Variants in TMEM132C observed in about 807,000 individuals in gnomAD.
The protein encoded by TMEM132C is protein phosphatase 1, regulatory subunit 152.
Under a neutral mutation model 61.4 loss-of-function variants are expected in TMEM132C, and 29 were observed. The observed-to-expected ratio is 0.47, with a 90% confidence interval of 0.35 to 0.64. TMEM132C has a LOEUF of 0.64. TMEM132C is among the 30% of genes least tolerant of loss of function. The probability of loss-of-function intolerance (pLI) is 0.00; values close to 1 mark genes in which losing one functional copy is unlikely to be tolerated. For missense variants in TMEM132C, 1,408 were observed against 1,476.9 expected (o/e 0.95, Z 0.76); for synonymous variants, 656 against 633.1 (o/e 1.04, Z -0.54).
At chr12:128,309,925 G>A (rs1315947593) in intron 1 of TMEM132C, among the ~76,000 whole-genome samples, 7 of 151,938 alleles carry the variant, frequency 4.6e-5, no homozygotes, top group African/African-American at 1.7e-4. Flanking sequence ...TAGTAGAGAC[G>A]GGGTTTCACC....
At chr12:128,589,667 TAGA>T (rs1875683746) in intron 3 of TMEM132C, among the ~76,000 whole-genome samples, 2 of 152,314 alleles carry the variant, frequency 1.3e-5, no homozygotes, top group South Asian at 4.1e-4. Context: ...ACAGAGGCAG[TAGA>T]AGTTTTGCTC....
chr12:128,319,874 C>T (rs1872274086), intron 1 of TMEM132C, among the ~76,000 whole-genome samples: 1 of 151,852 alleles, frequency 6.6e-6, no homozygotes, highest in African/African-American at 2.4e-5. Context: ...CTGACCTTCC[C>T]ATCTTGCATC....
chr12:128,686,040 C>A (rs545836111), intron 5 of TMEM132C, among the ~76,000 whole-genome samples: 2 of 130,796 alleles, frequency 1.5e-5, no homozygotes, highest in Non-Finnish European at 3.4e-5. Flanking sequence ...TGTGTGTATT[C>A]GCGCGTGTGT....
At chr12:128,445,498 T>C (rs955310886) in intron 2 of TMEM132C, among the ~76,000 whole-genome samples, 5 of 152,158 alleles carry the variant, frequency 3.3e-5, no homozygotes, top group African/African-American at 1.2e-4. Flanking sequence ...GGAGGTGCTA[T>C]ATCTTGGTCC....
At chr12:128,507,402 C>CTTTTTTTTTTTTTTTTT (rs111625089) in intron 2 of TMEM132C, among the ~76,000 whole-genome samples, 2 of 113,402 alleles carry the variant, frequency 1.8e-5, no homozygotes, top group African/African-American at 3.3e-5. Context: ...TTTTTTCTTT[C>CTTTTTTTTTTTTTTTTT]TTTTTTTTTT....
chr12:128,486,785 G>A (rs912053171), intron 2 of TMEM132C, among the ~76,000 whole-genome samples: 6 of 151,958 alleles, frequency 3.9e-5, no homozygotes, highest in East Asian at 1.9e-4. Flanking sequence ...CACCTGAACC[G>A]AATCTTGGCA....
intron 4 of TMEM132C, among the ~76,000 whole-genome samples, chr12:128,625,781 C>G (rs1954009652): frequency 6.6e-6 from 1 of 152,194 alleles, no homozygotes; most frequent in Non-Finnish European, 1.5e-5. Context: ...ATATCAGACA[C>G]TGATCCCATT....
rs188789793 is a variant in TMEM132C at position 128,366,864 on chromosome 12, A to T, written c.86-47868A>T. Among the ~76,000 whole-genome samples the T allele has an allele frequency of 2.0e-5, 3 of 152,300 alleles. No homozygotes were observed. In the East Asian group the frequency reaches 5.8e-4, roughly 29 times the overall value. On this transcript the variant is annotated intron_variant, in intron 1 of 8. Coordinates refer to ENST00000435159, the MANE Select transcript of TMEM132C (RefSeq NM_001136103.3). ...TCCTGAGTCGGAAAGACAGGGTCCT[A>T]CATGACATTCCTGTGGACAGAGGCC... is the stretch of plus-strand genomic sequence containing the variant.
rs543433383 is a variant in TMEM132C at position 128,466,177 on chromosome 12, CA to C, written c.974+50558del. On this transcript the variant is annotated intron_variant, in intron 2 of 8. Transcript: ENST00000435159. ...GCTGCTGCGATGGAGAACTAGCCAGCATGTGTGAAGGGGAGAGCACAGGAAA... is the reference window on the plus strand; with the variant it reads ...GCTGCTGCGATGGAGAACTAGCCAGCTGTGTGAAGGGGAGAGCACAGGAAA... 2.2e-4 allele frequency among the ~76,000 whole-genome samples: 34 copies of C among 152,206 alleles called. No individual in the cohort carries two copies. The South Asian group carries it at 7.1e-3, about 32-fold the overall frequency.
At chr12:128,284,982 T>C (rs2135902495) in intron 1 of TMEM132C, among the ~76,000 whole-genome samples, 1 of 151,964 alleles carries the variant, frequency 6.6e-6, no homozygotes, top group Non-Finnish European at 1.5e-5. Context: ...CCCCAAAAAA[T>C]AAACACAAAA....
At chr12:128,491,709 C>T (rs959093852) in intron 2 of TMEM132C, among the ~76,000 whole-genome samples, 4 of 152,040 alleles carry the variant, frequency 2.6e-5, no homozygotes, top group South Asian at 2.1e-4. Context: ...CTTTGGCTAC[C>T]GCTCCTTGGT....
At chr12:128,452,252 C>T (rs140901044) in intron 2 of TMEM132C, among the ~76,000 whole-genome samples, 2,883 of 151,924 alleles carry the variant, frequency 0.019, 91 homozygotes, top group African/African-American at 0.063. Flanking sequence ...CATGCGCCAC[C>T]ACACCCAGCT....
At chr12:128,521,442 C>T (rs1179368895) in intron 2 of TMEM132C, among the ~76,000 whole-genome samples, 1 of 137,334 alleles carries the variant, frequency 7.3e-6, no homozygotes, top group African/African-American at 2.6e-5. Context: ...TGCTATCCCT[C>T]CCCCAGCCCC....
chr12:128,365,877 G>A (rs1044361529), intron 1 of TMEM132C, among the ~76,000 whole-genome samples: 22 of 152,160 alleles, frequency 1.4e-4, no homozygotes, highest in Admixed American at 6.5e-5. Context: ...GTGTGCCGAG[G>A]AGCCCTCCCC....
At chr12:128,437,418 A>G (rs768964860) in intron 2 of TMEM132C, among the ~76,000 whole-genome samples, 1 of 152,208 alleles carries the variant, frequency 6.6e-6, no homozygotes, top group Non-Finnish European at 1.5e-5. Flanking sequence ...TCTTCCCATC[A>G]TGCTCCACTG....
chr12:128,479,273 C>T (rs1871248965), intron 2 of TMEM132C, among the ~76,000 whole-genome samples: 1 of 152,090 alleles, frequency 6.6e-6, no homozygotes, highest in Non-Finnish European at 1.5e-5. Flanking sequence ...GGCTCGATAC[C>T]TGGGTGATGA....
chr12:128,531,831 G>GT (rs1873318982), intron 2 of TMEM132C, among the ~76,000 whole-genome samples: 1 of 151,734 alleles, frequency 6.6e-6, no homozygotes, highest in African/African-American at 2.4e-5. Context: ...AAAGGACAGT[G>GT]CCCCCCTCAC....
At chr12:128,572,663 C>G (rs1428575265) in intron 3 of TMEM132C, among the ~76,000 whole-genome samples, 1 of 152,054 alleles carries the variant, frequency 6.6e-6, no homozygotes, top group Non-Finnish European at 1.5e-5. Flanking sequence ...GGTCACATGC[C>G]CACTGTGGCC....
At chr12:128,269,159 C>T (rs1273385974) in intron 1 of TMEM132C, among the ~76,000 whole-genome samples, 2 of 152,132 alleles carry the variant, frequency 1.3e-5, no homozygotes, top group African/African-American at 4.8e-5. Context: ...TACCTCCCAG[C>T]AGTTTTTTGT....
Sources: allele counts gnomAD v4.1 joint callset (sites outside exome capture counted in the v4.1 genomes callset), GRCh38; gene constraint gnomAD v4.1.1; transcripts MANE v1.5; gene names NCBI Gene and HGNC (gene_info 2026-07-23, HGNC 2026-07-21).